The following CLCN1 variants were observed in gnomAD, a reference collection of about 807,000 sequenced individuals.
CLCN1 encodes chloride voltage-gated channel 1.
A neutral mutation model predicts 114.5 loss-of-function variants in CLCN1; 100 were observed. The ratio of observed to expected loss-of-function variants is 0.87; its 90% CI spans 0.74 to 1.03. The LOEUF is 1.03. Among genes scored for constraint, CLCN1 ranks in the 50% least tolerant of loss-of-function variants. The pLI is 0.00. For missense variants in CLCN1, 1,188 were observed against 1,250.0 expected, an observed-to-expected ratio of 0.95 and a Z score of 0.75; for synonymous variants, 485 against 487.1, an observed-to-expected ratio of 1.00 and a Z score of 0.06.
rs2116853321 is a variant in CLCN1, at chr7:143,331,535, T to TA, written c.1065-13dup. Reference sequence around the variant, plus strand: ...TCATGTCTGTAAGATTCCAACTCTATAAATTACACCCTCAGGATTTGCTGT... The same window carrying TA: ...TCATGTCTGTAAGATTCCAACTCTATAAAATTACACCCTCAGGATTTGCTGT... On this transcript the variant is annotated splice_polypyrimidine_tract_variant and intron_variant, in intron 9 of 22. Coordinates refer to ENST00000343257, the MANE Select transcript of CLCN1 (RefSeq NM_000083.3). 1 of 1,574,538 alleles carries TA rather than the reference T, an allele frequency of 6.4e-7. No individual in the cohort carries two copies. The highest frequency in any genetic ancestry group is 8.7e-7 in the Non-Finnish European group (1 of 1,144,090).
rs1428342763 is a variant in CLCN1 at position 143,351,725 on chromosome 7, G to A, written c.2727G>A (p.Leu909=). 2.5e-6 allele frequency: 4 copies of A among 1,614,168 alleles called. No homozygotes were observed. Among genetic ancestry groups the A allele is most frequent in the Non-Finnish European group, 3.4e-6 (4 of 1,180,020 alleles). The part of the protein sequence containing the change: ...APPSSAENWN[L]PEDRPGATGT... ...CATCTTCTGCAGAGAACTGGAACCT[G>A]CCTGAGGACAGGCCTGGGGCCACTG... The change falls in exon 23 of 23, where the codon CTG becomes CTA. Residue 909 remains leucine, a synonymous_variant. Transcript: ENST00000343257.
intron 20 of CLCN1, among the ~76,000 whole-genome samples, chr7:143,349,540 G>T (rs1563089581): frequency 6.6e-6 from 1 of 152,214 alleles, no homozygotes; most frequent in Non-Finnish European, 1.5e-5. Context: ...GGATTATTTG[G>T]ACTCTTGGGA....
chr7:143,334,579 T>G (rs536439276), intron 12 of CLCN1, among the ~76,000 whole-genome samples: 1 of 152,092 alleles, frequency 6.6e-6, no homozygotes, highest in South Asian at 2.1e-4. Context: ...AGAAAAAAAA[T>G]TTTTAAATAT....
Position 143,351,689 on chromosome 7 carries a change from C to A in CLCN1, c.2691C>A (p.Thr897=). 3 of 1,614,182 alleles carry A rather than the reference C, an allele frequency of 1.9e-6. No individual in the cohort carries two copies. In the South Asian group the frequency reaches 3.3e-5, roughly 18 times the overall value. ...ACACGACTTCAACTCGAAAGAGTAC[C>A]GGGGCACCTCCATCTTCTGCAGAGA... is the stretch of plus-strand genomic sequence containing the variant. The part of the protein sequence containing the change: ...FRNTTSTRKS[T]GAPPSSAENW... Residue 897 remains threonine (T), a synonymous_variant, in exon 23 of 23, where the codon ACC becomes ACA. Coordinates refer to ENST00000343257, the MANE Select transcript of CLCN1 (RefSeq NM_000083.3).
rs1803352641 is a variant in CLCN1, at chr7:143,350,070, T to C, written c.2404-302T>C. Among the ~76,000 whole-genome samples the C allele has an allele frequency of 6.6e-6, 1 of 151,764 alleles. No individual in the cohort carries two copies. The highest frequency in any genetic ancestry group is 1.5e-5 in the Non-Finnish European group (1 of 67,946). ...AGTAGTGGAAAATAGATGGGAAAGA[T>C]AGGTTGGGAATAACAAATGTTTGGG... On this transcript the variant is annotated intron_variant, in intron 20 of 22. Coordinates refer to ENST00000343257, the MANE Select transcript of CLCN1 (RefSeq NM_000083.3). This position sits in a 1 kb window ranked among gnomAD's most constrained non-coding sequence, Gnocchi z 5.1.
intron 7 of CLCN1, among the ~76,000 whole-genome samples, chr7:143,329,050 C>G (rs1802653425): frequency 6.6e-6 from 1 of 151,032 alleles, no homozygotes; most frequent in Admixed American, 6.6e-5. Flanking sequence ...TCACTGCAAC[C>G]TGCGTCTCCC....
rs750107386 is a variant in CLCN1 at position 143,316,370 on chromosome 7, G to T, written c.158G>T (p.Arg53Leu). The change falls in exon 1 of 23, where the codon CGC becomes CTC. Residue 53 changes from arginine (R) to leucine (L), a missense_variant. Transcript: ENST00000343257. ...QHRLRKDAGPRHNVHPTQIYG... is the reference protein window; with the variant it reads ...QHRLRKDAGPLHNVHPTQIYG... ...AGGCTCCGGAAGGATGCAGGCCCCC[G>T]CCACAACGTCCACCCCACACAGGTA... The T allele has an allele frequency of 6.2e-7, 1 of 1,612,912 alleles. No individual in the cohort carries two copies. Among genetic ancestry groups the T allele is most frequent in the Non-Finnish European group, 8.5e-7 (1 of 1,179,988 alleles).
At chr7:143,343,673 T>C (rs552183531) in intron 16 of CLCN1, among the ~76,000 whole-genome samples, 1 of 152,354 alleles carries the variant, frequency 6.6e-6, no homozygotes, top group South Asian at 2.1e-4. Flanking sequence ...GCCCAACTTA[T>C]GGAAGAGTTG....
Position 143,334,578 on chromosome 7 carries a change from A to T in CLCN1, c.1401+1705A>T, listed in dbSNP as rs569005724. ...ATCTTATGCTTGCAACAGAAAAAAA[A>T]TTTTTAAATATTTTAAAACGTTCTA... On this transcript the variant is annotated intron_variant, in intron 12 of 22. Transcript: ENST00000343257. Among the ~76,000 whole-genome samples the T allele has an allele frequency of 1.1e-4, 16 of 152,254 alleles. No individual in the cohort carries two copies. The East Asian group carries it at 1.5e-3, about 15-fold the overall frequency.
chr7:143,346,304 T>G (rs779917949), intron 18 of CLCN1, 53 bp downstream of exon 18: 466 of 1,256,902 alleles, frequency 3.7e-4, no homozygotes, highest in Non-Finnish European at 5.1e-4. Flanking sequence ...TTCTCTCTGG[T>G]CACTAGGACC....
intron 18 of CLCN1, 68 bp downstream of exon 18, chr7:143,346,319 C>A: frequency 9.4e-7 from 1 of 1,066,192 alleles, no homozygotes; most frequent in Non-Finnish European, 1.4e-6. Context: ...AGGACCTGAC[C>A]TTGACCTGCA....
At chr7:143,335,816 C>A (rs950774126) in intron 12 of CLCN1, among the ~76,000 whole-genome samples, 2 of 152,036 alleles carry the variant, frequency 1.3e-5, no homozygotes, top group Non-Finnish European at 2.9e-5. Flanking sequence ...CCCGCCACCA[C>A]GCCCAGCTAA....
At chr7:143,319,934 A>T (rs1563073405) in intron 2 of CLCN1, 59 bp downstream of exon 2, 1 of 1,592,514 alleles carries the variant, frequency 6.3e-7, no homozygotes, top group East Asian at 2.2e-5. Context: ...GGATTAGGAG[A>T]ATAACTTGGG....
At chr7:143,323,080 C>T (rs371787549) in intron 5 of CLCN1, among the ~76,000 whole-genome samples, 3 of 152,178 alleles carry the variant, frequency 2.0e-5, no homozygotes, top group African/African-American at 7.2e-5. Flanking sequence ...CCTCTAAACA[C>T]GTGCCCTCCC....
chr7:143,333,125 C>T (rs1172153737), intron 12 of CLCN1, among the ~76,000 whole-genome samples: 2 of 151,942 alleles, frequency 1.3e-5, no homozygotes, highest in Non-Finnish European at 2.9e-5. Flanking sequence ...ATAGCGAAAC[C>T]CCATCTCTAC....
At position 143,345,550 on chromosome 7, in the gene CLCN1, C is replaced by T; in HGVS notation, c.1960C>T (p.Arg654Trp). The T allele has an allele frequency of 1.3e-6, 2 of 1,540,432 alleles. No homozygotes were observed. Among genetic ancestry groups the T allele is most frequent in the Non-Finnish European group, 1.8e-6 (2 of 1,139,538 alleles). The change falls in exon 17 of 23, where the codon CGG becomes TGG. Residue 654 changes from arginine to tryptophan, a missense_variant. By Grantham distance (101) the Arg-to-Trp change is moderately radical. Coordinates refer to ENST00000343257, the MANE Select transcript of CLCN1 (RefSeq NM_000083.3). ...AATGATCCTGCTGGGCTCGGTGGAGCGGTCGGAACTGCAGGCCCTCCTGCA... is the reference window on the plus strand; with the variant it reads ...AATGATCCTGCTGGGCTCGGTGGAGTGGTCGGAACTGCAGGCCCTCCTGCA... The part of the protein sequence containing the change: ...DSMILLGSVE[R>W]SELQALLQRH...
intron 1 of CLCN1, 85 bp downstream of exon 1, chr7:143,316,477 AAAG>A (rs1486796013): frequency 3.3e-5 from 41 of 1,237,700 alleles, no homozygotes; most frequent in Non-Finnish European, 4.6e-5. Context: ...AATTGGGTGA[AAAG>A]AGGGAGCAGT....
intron 12 of CLCN1, among the ~76,000 whole-genome samples, chr7:143,337,548 T>G (rs893233741): frequency 2.0e-5 from 3 of 152,148 alleles, no homozygotes; most frequent in Admixed American, 2.0e-4. Flanking sequence ...AAGAAATATA[T>G]TTCTCGTTAG....
intron 2 of CLCN1, 94 bp downstream of exon 2, chr7:143,319,969 C>G: frequency 7.5e-7 from 1 of 1,324,702 alleles, no homozygotes; most frequent in South Asian, 1.2e-5. Flanking sequence ...TACGTACTCC[C>G]TGCCCTGCTA....
Sources: allele counts gnomAD v4.1 joint callset (sites outside exome capture counted in the v4.1 genomes callset), GRCh38; gene constraint gnomAD v4.1.1; non-coding constraint Gnocchi (gnomAD v3.1); transcripts MANE v1.5; gene names NCBI Gene and HGNC (gene_info 2026-07-23, HGNC 2026-07-21).